Variants in NAALADL2 observed in about 807,000 individuals in gnomAD.
NAALADL2 encodes inactive N-acetylated-alpha-linked acidic dipeptidase-like protein 2.
Under a neutral mutation model 87.2 loss-of-function variants are expected in NAALADL2, and 76 were observed. The observed-to-expected ratio is 0.87, with a 90% confidence interval of 0.72 to 1.05. The LOEUF (loss-of-function observed/expected upper bound fraction) is 1.05, where lower values mean the gene tolerates loss of function less well. Among genes scored for constraint, NAALADL2 ranks in the 50% least tolerant of loss-of-function variants. The pLI is 0.00. For missense variants in NAALADL2, 1,089 were observed against 945.8 expected, an observed-to-expected ratio of 1.15 and a Z score of -1.99; for synonymous variants, 354 against 331.0, an observed-to-expected ratio of 1.07 and a Z score of -0.75.
chr3:174,820,386 C>T (rs1721285952), intron 3 of NAALADL2, among the ~76,000 whole-genome samples: 1 of 152,132 alleles, frequency 6.6e-6, no homozygotes, highest in Non-Finnish European at 1.5e-5. Context: ...CAATTATAAA[C>T]ACACCACATA....
At chr3:174,660,044 T>C (rs1000184607) in intron 2 of NAALADL2, among the ~76,000 whole-genome samples, 10 of 152,218 alleles carry the variant, frequency 6.6e-5, no homozygotes, top group Non-Finnish European at 2.9e-5. Flanking sequence ...TAAACACTTT[T>C]ATTTTTAAAA....
intron 10 of NAALADL2, among the ~76,000 whole-genome samples, chr3:175,581,415 C>T (rs1312736767): frequency 6.6e-6 from 1 of 152,206 alleles, no homozygotes; most frequent in Non-Finnish European, 1.5e-5. Context: ...GCACTCCAGC[C>T]TGGGGGACAG....
intron 1 of NAALADL2, among the ~76,000 whole-genome samples, chr3:175,071,785 T>TAA (rs35738109): frequency 6.6e-5 from 10 of 151,702 alleles, no homozygotes; most frequent in African/African-American, 2.4e-4. Flanking sequence ...CAAAGGATAT[T>TAA]AAAAAAATTG....
intron 5 of NAALADL2, among the ~76,000 whole-genome samples, chr3:175,361,858 A>G (rs202068385): frequency 2.1e-5 from 3 of 145,386 alleles, no homozygotes; most frequent in Admixed American, 1.4e-4. Flanking sequence ...CTGTGCAGAA[A>G]CTCTTCAGTT....
At chr3:175,682,392 A>G (rs547651904) in intron 11 of NAALADL2, among the ~76,000 whole-genome samples, 82 of 152,152 alleles carry the variant, frequency 5.4e-4, no homozygotes, top group Non-Finnish European at 9.3e-4. Context: ...ATGGAATAAT[A>G]TTGCATTTGA....
chr3:175,087,874 C>T (rs1160749825), intron 1 of NAALADL2, among the ~76,000 whole-genome samples: 1 of 151,442 alleles, frequency 6.6e-6, no homozygotes, highest in African/African-American at 2.4e-5. Context: ...GCCAAATCCC[C>T]CTCTGCGAGA....
chr3:175,251,061 T>C (rs1315184334), intron 3 of NAALADL2, among the ~76,000 whole-genome samples: 1 of 152,196 alleles, frequency 6.6e-6, no homozygotes, highest in Non-Finnish European at 1.5e-5. Context: ...ACGAGGTTTT[T>C]ATTTTAAAAT....
At chr3:175,615,603 A>G (rs1725233214) in intron 10 of NAALADL2, among the ~76,000 whole-genome samples, 1 of 151,940 alleles carries the variant, frequency 6.6e-6, no homozygotes, top group Non-Finnish European at 1.5e-5. Context: ...CATATCTGTA[A>G]TCCCAGCACC....
At chr3:174,983,021 A>C (rs913209407) in intron 1 of NAALADL2, among the ~76,000 whole-genome samples, 2 of 152,134 alleles carry the variant, frequency 1.3e-5, no homozygotes, top group African/African-American at 2.4e-5. Context: ...GATGGTCTCG[A>C]TCTCCTGACC....
chr3:174,557,101 A>G lies in NAALADL2; in HGVS notation c.-115+6464A>G, dbSNP rs2108503539. Among the ~76,000 whole-genome samples, 3 of 152,312 alleles carry G rather than the reference A, an allele frequency of 2.0e-5. No individual in the cohort carries two copies. In the Middle Eastern group the frequency reaches 0.01, roughly 518 times the overall value. On this transcript the variant is annotated intron_variant, in intron 2 of 3. Transcript: ENST00000434257. ...TGACAACATGTAATTGCTATACAAA[A>G]ACAACATTTAAAGCTGTGTATTTTT...
chr3:175,655,336 C>T, intron 11 of NAALADL2: 1 of 168,876 alleles, frequency 5.9e-6, no homozygotes. Flanking sequence ...TCTTAATTTT[C>T]TTGCTATTTC....
At chr3:174,610,758 G>A (rs1175988052) in intron 2 of NAALADL2, among the ~76,000 whole-genome samples, 1 of 152,098 alleles carries the variant, frequency 6.6e-6, no homozygotes, top group Non-Finnish European at 1.5e-5. Context: ...TCAGTGTGGC[G>A]ATTTCTCAGG....
intron 6 of NAALADL2, among the ~76,000 whole-genome samples, chr3:175,460,530 T>A (rs1722955531): frequency 6.6e-6 from 1 of 152,174 alleles, no homozygotes; most frequent in African/African-American, 2.4e-5. Flanking sequence ...GTGCTTCTTT[T>A]AAATAGTTCT....
At chr3:175,442,225 G>T (rs554760791) in intron 5 of NAALADL2, among the ~76,000 whole-genome samples, 14 of 152,178 alleles carry the variant, frequency 9.2e-5, no homozygotes, top group African/African-American at 2.9e-4. Context: ...GATTACAGGT[G>T]TGAGCCACCA....
chr3:175,276,800 C>T (rs913087879), intron 4 of NAALADL2, among the ~76,000 whole-genome samples: 3 of 151,542 alleles, frequency 2.0e-5, no homozygotes, highest in Non-Finnish European at 1.5e-5. Context: ...AGATGAGATC[C>T]ATTTCTTTCA....
At chr3:175,001,604 G>C (rs901558259) in intron 1 of NAALADL2, among the ~76,000 whole-genome samples, 5 of 151,870 alleles carry the variant, frequency 3.3e-5, no homozygotes, top group Admixed American at 6.6e-5. Context: ...TTACTTATCT[G>C]TTCATTCCTT....
At chr3:174,687,028 TG>T (rs1190414065) in intron 2 of NAALADL2, among the ~76,000 whole-genome samples, 1 of 152,098 alleles carries the variant, frequency 6.6e-6, no homozygotes, top group Non-Finnish European at 1.5e-5. Flanking sequence ...GTCTGTCTTA[TG>T]GCTTCCAATC....
intron 2 of NAALADL2, among the ~76,000 whole-genome samples, chr3:175,221,987 G>T (rs1035976389): frequency 1.3e-5 from 2 of 151,894 alleles, no homozygotes; most frequent in African/African-American, 4.8e-5. Flanking sequence ...TCACCATGTT[G>T]CCCAGGCTGG....
intron 1 of NAALADL2, among the ~76,000 whole-genome samples, chr3:174,521,571 C>CAAA (rs58465181): frequency 1.6e-3 from 89 of 56,108 alleles, no homozygotes; most frequent in African/African-American, 3.0e-3. Flanking sequence ...GACCCTGTCT[C>CAAA]AAAAAAAAAA....
Sources: gnomAD v4.1 joint callset for allele counts (sites outside exome capture counted in the v4.1 genomes callset) on GRCh38, gnomAD v4.1.1 for gene constraint, MANE v1.5 for transcripts, NCBI Gene and HGNC (gene_info 2026-07-23, HGNC 2026-07-21) for gene names.